BTG3: variants seen among roughly 807,000 people sequenced by gnomAD.
The protein encoded by BTG3 is protein BTG3.
Under a neutral mutation model 25.8 loss-of-function variants are expected in BTG3, and 4 were observed. That is an observed-to-expected ratio of 0.16 (90% confidence interval 0.08 to 0.36). The LOEUF is 0.36. Ranked by LOEUF, BTG3 falls within the 10% of genes least tolerant of loss-of-function variation. The pLI, the probability that BTG3 is intolerant of heterozygous loss-of-function variation, is 1.00. For missense variants in BTG3, 201 were observed against 304.9 expected, an observed-to-expected ratio of 0.66 and a Z score of 2.54; for synonymous variants, 107 against 99.9, an observed-to-expected ratio of 1.07 and a Z score of -0.42.
At chr21:17,609,497 C>G (rs2123480311) in intron 1 of BTG3, among the ~76,000 whole-genome samples, 1 of 152,268 alleles carries the variant, frequency 6.6e-6, no homozygotes, top group Admixed American at 6.5e-5. Context: ...CAATATTTAG[C>G]TGCAATAATC....
At chr21:17,598,481 C>A in intron 4 of BTG3, 136 bp downstream of exon 4, 1 of 698,416 alleles carries the variant, frequency 1.4e-6, no homozygotes, top group South Asian at 2.1e-5. Context: ...AACAGCTTTC[C>A]CTTAGCATGG....
At chr21:17,604,797 C>T (rs2061618863) in intron 3 of BTG3, 63 bp downstream of exon 3, 5 of 1,566,342 alleles carry the variant, frequency 3.2e-6, no homozygotes, top group Middle Eastern at 1.7e-4. Flanking sequence ...CCGTACATGA[C>T]AGAATGTCAT....
chr21:17,601,384 C>T (rs890139401), intron 3 of BTG3, among the ~76,000 whole-genome samples: 4 of 152,042 alleles, frequency 2.6e-5, no homozygotes, highest in Non-Finnish European at 4.4e-5. Context: ...AGAAGCTGGA[C>T]ATGGTAGCTT....
In BTG3 at chr21:17,593,700, T is replaced by C. The variant is rs1228439270; in HGVS notation, c.*393A>G. On this transcript the variant is annotated 3_prime_UTR_variant, in exon 5 of 5. Coordinates refer to ENST00000348354, the MANE Select transcript of BTG3 (RefSeq NM_006806.5). ...TTTGCAACTACATGATTTCACACAATTCTCTTAAACAACGACATAAAATAG... is the reference window on the plus strand; with the variant it reads ...TTTGCAACTACATGATTTCACACAACTCTCTTAAACAACGACATAAAATAG... 5.9e-6 allele frequency: 1 copy of C among 168,132 alleles called. No homozygotes were observed. The highest frequency in any genetic ancestry group is 1.3e-5 in the Non-Finnish European group (1 of 79,378). The allele number at this position is 168,132 out of a possible 1,614,324, so 10.4% of individuals were successfully genotyped here. A position where few individuals can be genotyped will look rare whatever the true frequency, so the allele number is the denominator to read the frequency against.
intron 3 of BTG3, among the ~76,000 whole-genome samples, chr21:17,600,504 C>G (rs1010946519): frequency 3.9e-5 from 6 of 152,050 alleles, no homozygotes; most frequent in Admixed American, 3.9e-4. Flanking sequence ...AAGTAAAAGG[C>G]TTAACTGCTA....
intron 3 of BTG3, among the ~76,000 whole-genome samples, chr21:17,604,454 AGAG>A (rs1264767920): frequency 6.6e-6 from 1 of 152,188 alleles, no homozygotes; most frequent in Non-Finnish European, 1.5e-5. Context: ...CCAAAAAAAA[AGAG>A]GAGAGAGGGA....
intron 3 of BTG3, among the ~76,000 whole-genome samples, chr21:17,599,888 TGTTA>T (rs928291299): frequency 6.6e-5 from 10 of 152,194 alleles, no homozygotes; most frequent in African/African-American, 2.4e-4. Context: ...AAAGGGGGCC[TGTTA>T]TTTATACTCA....
chr21:17,604,060 T>C lies in BTG3; in HGVS notation c.311+800A>G. ...AAAAAGATTTCATACCTAGCACTGA[T>C]CTTTCACAACTCTATTCATTAGGAG... On this transcript the variant is annotated intron_variant, in intron 3 of 4. Transcript: ENST00000348354. 4 of 1,143,850 alleles carry C rather than the reference T, an allele frequency of 3.5e-6. 1 individual carries two copies. The highest frequency in any genetic ancestry group is 7.9e-5 in the East Asian group (1 of 12,624). 70.9% of individuals were successfully genotyped at this position (1,143,850 alleles called of 1,614,324 possible). A position where few individuals can be genotyped will look rare whatever the true frequency, so the allele number is the denominator to read the frequency against.
At chr21:17,603,347 C>G (rs1007587470) in intron 3 of BTG3, among the ~76,000 whole-genome samples, 13 of 152,072 alleles carry the variant, frequency 8.5e-5, no homozygotes, top group Non-Finnish European at 1.6e-4. Context: ...CTTTTCTACC[C>G]GAGAAAGAAG....
rs539343545 is a variant in BTG3, at chr21:17,609,803, C to G, written c.-8-651G>C. Among the ~76,000 whole-genome samples, 11 of 152,170 alleles carry G rather than the reference C, an allele frequency of 7.2e-5. No individual in the cohort carries two copies. The South Asian group carries it at 1.9e-3, about 26-fold the overall frequency. ...ATGGACAAATACTGTGTTATACACA[C>G]GTATGGAATATTATTCAGCAATGAA... On this transcript the variant is annotated intron_variant, in intron 1 of 4. Transcript: ENST00000348354.
At chr21:17,606,432 A>T (rs2123469822) in intron 2 of BTG3, among the ~76,000 whole-genome samples, 1 of 152,300 alleles carries the variant, frequency 6.6e-6, no homozygotes, top group East Asian at 1.9e-4. Context: ...TATGTAAAAT[A>T]CTGCTTAGTC....
intron 4 of BTG3, among the ~76,000 whole-genome samples, chr21:17,597,862 T>G (rs1397588676): frequency 2.6e-5 from 4 of 152,154 alleles, no homozygotes; most frequent in Non-Finnish European, 2.9e-5. Context: ...GGTCTAAATT[T>G]TCATTTTCAG....
intron 3 of BTG3, among the ~76,000 whole-genome samples, chr21:17,600,119 G>A (rs989404843): frequency 6.6e-6 from 1 of 151,792 alleles, no homozygotes; most frequent in Non-Finnish European, 1.5e-5. Context: ...GTCAAAATAT[G>A]TAACATATGC....
chr21:17,602,139 A>C (rs1391612354), intron 3 of BTG3, among the ~76,000 whole-genome samples: 1 of 152,194 alleles, frequency 6.6e-6, no homozygotes, highest in Admixed American at 6.5e-5. Context: ...TGGGGGAAAA[A>C]AAGGATGGCA....
At chr21:17,600,878 C>A (rs1387061739) in intron 3 of BTG3, among the ~76,000 whole-genome samples, 2 of 152,026 alleles carry the variant, frequency 1.3e-5, no homozygotes, top group Non-Finnish European at 2.9e-5. Context: ...AAAGTTGCTA[C>A]AGGGGCTGGG....
intron 4 of BTG3, among the ~76,000 whole-genome samples, 157 bp downstream of exon 4, chr21:17,598,460 C>T (rs1028062128): frequency 2.0e-5 from 3 of 152,122 alleles, no homozygotes; most frequent in Non-Finnish European, 4.4e-5. Context: ...TGCCTATTTA[C>T]GTGCCAGAGA....
chr21:17,611,278 GA>G (rs2061719387), intron 1 of BTG3, among the ~76,000 whole-genome samples: 1 of 152,116 alleles, frequency 6.6e-6, no homozygotes, highest in Non-Finnish European at 1.5e-5. Flanking sequence ...AGCAAACAAG[GA>G]ACCACACTAA....
chr21:17,605,836 T>C (rs1301993557), intron 2 of BTG3, among the ~76,000 whole-genome samples: 1 of 152,210 alleles, frequency 6.6e-6, no homozygotes, highest in African/African-American at 2.4e-5. Flanking sequence ...TCAAGAGAAC[T>C]TGGATTTCAG....
At chr21:17,595,499 A>T (rs948321599) in intron 4 of BTG3, among the ~76,000 whole-genome samples, 2 of 151,980 alleles carry the variant, frequency 1.3e-5, no homozygotes, top group South Asian at 4.1e-4. Flanking sequence ...ACATCTATAC[A>T]CACTTTAAAA....
Sources: allele counts gnomAD v4.1 joint callset (sites outside exome capture counted in the v4.1 genomes callset), GRCh38; gene constraint gnomAD v4.1.1; transcripts MANE v1.5; gene names NCBI Gene and HGNC (gene_info 2026-07-23, HGNC 2026-07-21).